Variants in KXD1 observed in about 807,000 individuals in gnomAD.
KXD1 encodes kxDL motif-containing protein 1.
A neutral mutation model predicts 12.1 loss-of-function variants in KXD1; 5 were observed. The observed-to-expected ratio is 0.41, with a 90% CI of 0.22 to 0.87. KXD1 has a LOEUF of 0.87. KXD1 is among the 40% of genes least tolerant of loss of function. The pLI, the probability that KXD1 is intolerant of heterozygous loss-of-function variation, is 0.31. For missense variants in KXD1, 193 were observed against 244.9 expected (o/e 0.79, Z 1.41); for synonymous variants, 98 against 100.5 (o/e 0.98, Z 0.15).
At chr19:18,558,975 C>CTTTTTTTTTTTTTTTTTTTTTTTTTTT (rs71336684) in intron 1 of KXD1, 3 of 55,566 alleles carry the variant, frequency 5.4e-5, no homozygotes, top group African/African-American at 7.3e-5. Context: ...CTCCAGGTGT[C>CTTTTTTTTTTTTTTTTTTTTTTTTTTT]TTTTTTTTTT....
intron 1 of KXD1, chr19:18,561,743 G>A (rs1284859925): frequency 8.8e-6 from 2 of 226,628 alleles, no homozygotes; most frequent in Non-Finnish European, 1.7e-5. Context: ...GCAGATCTGT[G>A]CAGGTGAGAG....
At chr19:18,565,083 C>T in intron 3 of KXD1, 62 bp downstream of exon 3, 1 of 1,582,584 alleles carries the variant, frequency 6.3e-7, no homozygotes, top group Non-Finnish European at 8.6e-7. Context: ...ATCTGAGCCT[C>T]AGTTTCCTTC....
chr19:18,568,212 A>G (rs978279692), intron 4 of KXD1, among the ~76,000 whole-genome samples, 190 bp from the exon 5 acceptor site: 2 of 150,748 alleles, frequency 1.3e-5, no homozygotes, highest in African/African-American at 4.9e-5. Context: ...GGTTGCAGTG[A>G]GCCGAGATTA....
In KXD1 at chr19:18,569,286, GGAAA is replaced by G. The variant is rs1975405359; in HGVS notation, c.*658_*661del. The G allele has an allele frequency of 6.6e-6, 1 of 152,670 alleles. No homozygotes were observed. Among genetic ancestry groups the G allele is most frequent in the Admixed American group, 6.6e-5 (1 of 15,266 alleles). 9.5% of individuals were successfully genotyped at this position (152,670 alleles called of 1,614,324 possible). A position where few individuals can be genotyped will look rare whatever the true frequency, so the allele number is the denominator to read the frequency against. On this transcript the variant is annotated 3_prime_UTR_variant, in exon 5 of 5. Transcript: ENST00000222307. Reference sequence around the variant, plus strand: ...CCATGGAGCAAACGGAGCCACCTCGGGAAAGAGTTTAATGGAATATTTTTGTACC... The same window carrying G: ...CCATGGAGCAAACGGAGCCACCTCGGGAGTTTAATGGAATATTTTTGTACC...
chr19:18,563,748 C>T (rs147656780), intron 2 of KXD1, among the ~76,000 whole-genome samples: 5,054 of 152,066 alleles, frequency 0.033, 299 homozygotes, highest in African/African-American at 0.11. Flanking sequence ...GTGATCCGCC[C>T]GCCTCAGCCT....
intron 1 of KXD1, chr19:18,558,533 C>T (rs1977008572): frequency 6.6e-6 from 1 of 152,194 alleles, no homozygotes. Flanking sequence ...TCTTCACACT[C>T]CTCTTGGAGA....
intron 2 of KXD1, among the ~76,000 whole-genome samples, chr19:18,563,123 AATT>A (rs985680636): frequency 6.9e-6 from 1 of 145,176 alleles, no homozygotes; most frequent in African/African-American, 2.9e-5. Flanking sequence ...GGCCCAAGAC[AATT>A]CTTCTTCCAA....
chr19:18,562,233 A>C (rs1974949390), intron 2 of KXD1, 76 bp downstream of exon 2: 1 of 1,082,722 alleles, frequency 9.2e-7, no homozygotes, highest in South Asian at 1.4e-5. Flanking sequence ...GCCCGCCCCT[A>C]CCCGGGGCCC....
Position 18,565,575 on chromosome 19 carries a change from G to A in KXD1, c.254+554G>A, listed in dbSNP as rs140853719. On this transcript the variant is annotated intron_variant, in intron 3 of 4. Coordinates refer to ENST00000222307, the MANE Select transcript of KXD1 (RefSeq NM_024069.4). ...GTGGCCCTGGCTGGAGTGCAGTGGC[G>A]TGATCTTGGCTCACTGCAACCTCTG... Among the ~76,000 whole-genome samples the A allele has an allele frequency of 2.1e-3, 322 of 152,280 alleles. 1 individual carries two copies. The highest frequency in any genetic ancestry group is 7.4e-3 in the African/African-American group (309 of 41,558).
At chr19:18,567,277 G>A in intron 4 of KXD1, 99 bp downstream of exon 4, 2 of 1,230,974 alleles carry the variant, frequency 1.6e-6, no homozygotes, top group Non-Finnish European at 2.4e-6. Context: ...CTGAGACCAG[G>A]CTGTAATGGG....
intron 1 of KXD1, among the ~76,000 whole-genome samples, chr19:18,560,922 G>A (rs1205154848): frequency 6.6e-6 from 1 of 151,900 alleles, no homozygotes; most frequent in Non-Finnish European, 1.5e-5. Flanking sequence ...GGCCAGGCTG[G>A]TCTCGAACTC....
At chr19:18,563,087 C>T (rs1029505269) in intron 2 of KXD1, among the ~76,000 whole-genome samples, 2 of 151,852 alleles carry the variant, frequency 1.3e-5, no homozygotes, top group Non-Finnish European at 2.9e-5. Context: ...CATCAGCTGT[C>T]GTTAGTGTTA....
chr19:18,558,053 T>C (rs1976991590), intron 1 of KXD1, 139 bp downstream of exon 1: 1 of 152,452 alleles, frequency 6.6e-6, no homozygotes, highest in South Asian at 2.1e-4. Flanking sequence ...TGGTCATTCC[T>C]GCTGCGCACA....
At chr19:18,558,186 C>G (rs1976996606) in intron 1 of KXD1, 1 of 152,378 alleles carries the variant, frequency 6.6e-6, no homozygotes, top group South Asian at 2.1e-4. Flanking sequence ...TAACCTGGAG[C>G]TGGGCGTTGC....
In KXD1 at chr19:18,562,032, T is replaced by C; in HGVS notation, c.-21-4T>C. ...GCAGACCACTCTGTTCTTGCCTGTT[T>C]CAGGCAGCGGAGGAGGAGAAAGAGA... On this transcript the variant is annotated splice_region_variant and splice_polypyrimidine_tract_variant and intron_variant, in intron 1 of 4. Transcript: ENST00000222307. 6.3e-7 allele frequency: 1 copy of C among 1,589,770 alleles called. No homozygotes were observed. The highest frequency in any genetic ancestry group is 8.6e-7 in the Non-Finnish European group (1 of 1,160,996).
intron 3 of KXD1, 170 bp downstream of exon 3, chr19:18,565,191 G>GT (rs2145242621): frequency 7.2e-7 from 1 of 1,393,076 alleles, no homozygotes; most frequent in East Asian, 2.5e-5. Flanking sequence ...AAATCTTGAC[G>GT]TAAGTTTATT....
At chr19:18,562,863 C>T (rs894098997) in intron 2 of KXD1, among the ~76,000 whole-genome samples, 7 of 152,220 alleles carry the variant, frequency 4.6e-5, no homozygotes, top group African/African-American at 1.7e-4. Context: ...TTGGAGCGGA[C>T]ATAAAGGCCT....
intron 4 of KXD1, 141 bp from the exon 5 acceptor site, chr19:18,568,261 G>A (rs1267380376): frequency 9.3e-6 from 6 of 646,242 alleles, no homozygotes; most frequent in Admixed American, 2.6e-5. Context: ...GCGAAACTCC[G>A]TCTCAAAAAA....
intron 3 of KXD1, among the ~76,000 whole-genome samples, chr19:18,566,664 G>A (rs770510902): frequency 5.9e-5 from 9 of 151,626 alleles, no homozygotes; most frequent in Non-Finnish European, 1.0e-4. Flanking sequence ...ATGGTGGCAC[G>A]TGCCTGTAAT....
Sources: allele counts gnomAD v4.1 joint callset (sites outside exome capture counted in the v4.1 genomes callset), GRCh38; gene constraint gnomAD v4.1.1; transcripts MANE v1.5; gene names NCBI Gene and HGNC (gene_info 2026-07-23, HGNC 2026-07-21).